SGCZ: variants seen among roughly 807,000 people sequenced by gnomAD.
SGCZ encodes the protein sarcoglycan zeta, also known as zeta-sarcoglycan.
Under a neutral mutation model 41.3 loss-of-function variants are expected in SGCZ, and 40 were observed. That is an observed-to-expected ratio of 0.97 (90% confidence interval 0.75 to 1.26). The LOEUF (loss-of-function observed/expected upper bound fraction) is 1.26. Ranked by LOEUF, SGCZ falls within the 50% of genes most tolerant of loss-of-function variation. The pLI is 0.00. For missense variants in SGCZ, 552 were observed against 369.8 expected, an observed-to-expected ratio of 1.49 and a Z score of -4.04; for synonymous variants, 206 against 137.5, an observed-to-expected ratio of 1.50 and a Z score of -3.49.
intron 5 of SGCZ, among the ~76,000 whole-genome samples, chr8:14,163,798 T>C (rs994649365): frequency 7.2e-5 from 11 of 152,200 alleles, no homozygotes; most frequent in African/African-American, 1.9e-4. Context: ...TATGGATAGA[T>C]ACGCATGAGC....
intron 1 of SGCZ, among the ~76,000 whole-genome samples, chr8:14,763,025 TATC>T (rs1799939435): frequency 6.6e-6 from 1 of 152,230 alleles, no homozygotes; most frequent in African/African-American, 2.4e-5. Flanking sequence ...AGTACATAAA[TATC>T]ATACGTCCAA....
intron 1 of SGCZ, among the ~76,000 whole-genome samples, chr8:15,003,410 A>G (rs1802495387): frequency 6.6e-6 from 1 of 152,184 alleles, no homozygotes; most frequent in Admixed American, 6.5e-5. Flanking sequence ...CACCTCCGGA[A>G]TTGGCAACCC....
intron 1 of SGCZ, among the ~76,000 whole-genome samples, chr8:14,624,205 T>C (rs1176622077): frequency 6.6e-6 from 1 of 152,166 alleles, no homozygotes; most frequent in African/African-American, 2.4e-5. Flanking sequence ...ATTAATAGCT[T>C]ATCATATAAG....
intron 1 of SGCZ, among the ~76,000 whole-genome samples, chr8:14,819,593 G>A (rs1802013412): frequency 6.6e-6 from 1 of 152,116 alleles, no homozygotes; most frequent in Non-Finnish European, 1.5e-5. Flanking sequence ...ACACCCTAGT[G>A]AAGTAATGGT....
intron 1 of SGCZ, among the ~76,000 whole-genome samples, chr8:15,109,328 A>T (rs1806954661): frequency 6.6e-6 from 1 of 152,092 alleles, no homozygotes; most frequent in Admixed American, 6.6e-5. Flanking sequence ...ATCAACTAAA[A>T]TTCATGTTTC....
At chr8:14,605,527 C>A (rs1220112983) in intron 1 of SGCZ, among the ~76,000 whole-genome samples, 1 of 151,852 alleles carries the variant, frequency 6.6e-6, no homozygotes, top group African/African-American at 2.4e-5. Flanking sequence ...TTTTTGTACC[C>A]ATTAACCACC....
At chr8:14,469,040 T>G (rs1378923601) in intron 2 of SGCZ, among the ~76,000 whole-genome samples, 1 of 151,122 alleles carries the variant, frequency 6.6e-6, no homozygotes, top group African/African-American at 2.5e-5. Flanking sequence ...TGTTTCTTTC[T>G]AATTAGTTCT....
chr8:14,655,420 C>G (rs557132676), intron 1 of SGCZ, among the ~76,000 whole-genome samples: 1 of 152,016 alleles, frequency 6.6e-6, no homozygotes, highest in African/African-American at 2.4e-5. Context: ...TTCCTGCATG[C>G]GTAACTTGAG....
At chr8:14,997,852 C>T (rs1469966179) in intron 1 of SGCZ, among the ~76,000 whole-genome samples, 1 of 152,004 alleles carries the variant, frequency 6.6e-6, no homozygotes, top group East Asian at 1.9e-4. Flanking sequence ...CCCAGATACT[C>T]AGGAGGCTGA....
intron 3 of SGCZ, among the ~76,000 whole-genome samples, chr8:14,288,623 C>T (rs564433709): frequency 1.3e-5 from 2 of 152,082 alleles, no homozygotes; most frequent in African/African-American, 2.4e-5. Context: ...GTATTTCAAT[C>T]CTTTCATAGC....
intron 2 of SGCZ, among the ~76,000 whole-genome samples, chr8:14,489,298 G>A (rs574015074): frequency 7.2e-5 from 11 of 151,806 alleles, no homozygotes; most frequent in Admixed American, 6.6e-4. Flanking sequence ...TCTACAATTT[G>A]GCATATTTCT....
chr8:14,272,603 AACTGCTGTATGGT>A (rs1800099804), intron 3 of SGCZ, among the ~76,000 whole-genome samples: 1 of 152,200 alleles, frequency 6.6e-6, no homozygotes, highest in African/African-American at 2.4e-5. Context: ...GGCTGTTGCT[AACTGCTGTATGGT>A]ACCTCCTTTC....
At chr8:15,159,642 T>C (rs1799443392) in intron 1 of SGCZ, among the ~76,000 whole-genome samples, 2 of 152,030 alleles carry the variant, frequency 1.3e-5, no homozygotes, top group African/African-American at 2.4e-5. Context: ...AAGTCTTCCC[T>C]GTTGACTGTT....
At chr8:14,374,146 G>C (rs920715040) in intron 2 of SGCZ, among the ~76,000 whole-genome samples, 6 of 152,182 alleles carry the variant, frequency 3.9e-5, no homozygotes, top group African/African-American at 1.4e-4. Flanking sequence ...GGAAGGCCGA[G>C]GCAGGCCAAT....
chr8:14,400,146 C>T (rs1228189137), intron 2 of SGCZ, among the ~76,000 whole-genome samples: 1 of 152,046 alleles, frequency 6.6e-6, no homozygotes, highest in Non-Finnish European at 1.5e-5. Flanking sequence ...GCTTCTTTCA[C>T]TTGGCTATTG....
chr8:14,172,900 G>A (rs911791808), intron 4 of SGCZ, among the ~76,000 whole-genome samples: 11 of 152,072 alleles, frequency 7.2e-5, no homozygotes, highest in Admixed American at 5.9e-4. Context: ...GATACCATAT[G>A]ATAATTATTA....
intron 1 of SGCZ, among the ~76,000 whole-genome samples, chr8:14,904,685 A>G (rs1799072392): frequency 6.6e-6 from 1 of 152,116 alleles, no homozygotes. Flanking sequence ...ATTCATACAC[A>G]GCATTCTACT....
At chr8:14,620,050 C>T (rs547376472) in intron 1 of SGCZ, among the ~76,000 whole-genome samples, 3 of 152,304 alleles carry the variant, frequency 2.0e-5, no homozygotes, top group African/African-American at 7.2e-5. Flanking sequence ...TACTACAAGG[C>T]TTCAGTAACC....
rs1801889270 is a variant in SGCZ, at chr8:14,988,151, A to C, written c.39+249434T>G. On this transcript the variant is annotated intron_variant, in intron 1 of 7. Coordinates refer to ENST00000382080, the MANE Select transcript of SGCZ (RefSeq NM_139167.4). ...GGAGGATATTTAGGGGATACATCTC[A>C]TTCTTTAGAAAAATACAGTATCTGT... 2.0e-5 allele frequency among the ~76,000 whole-genome samples: 3 copies of C among 151,972 alleles called. No homozygotes were observed. In the South Asian group the frequency reaches 6.2e-4, roughly 31 times the overall value.
Sources: gnomAD v4.1 joint callset for allele counts (sites outside exome capture counted in the v4.1 genomes callset) on GRCh38, gnomAD v4.1.1 for gene constraint, MANE v1.5 for transcripts, NCBI Gene and HGNC (gene_info 2026-07-23, HGNC 2026-07-21) for gene names.